The following SERAC1 variants were observed in gnomAD, a reference collection of about 807,000 sequenced individuals.
SERAC1 encodes the protein protein SERAC1.
SERAC1 carries 36 observed loss-of-function variants against 85.7 expected under a neutral mutation model. The observed-to-expected ratio is 0.42, with a 90% CI of 0.32 to 0.55. The LOEUF is 0.55. Ranked by LOEUF, SERAC1 falls within the 20% of genes least tolerant of loss-of-function variation. The pLI is 0.11. For missense variants in SERAC1, 629 were observed against 796.2 expected, an observed-to-expected ratio of 0.79 and a Z score of 2.53; for synonymous variants, 242 against 265.3, an observed-to-expected ratio of 0.91 and a Z score of 0.85.
At chr6:158,137,705 G>A (rs747019709) in intron 8 of SERAC1, among the ~76,000 whole-genome samples, 9 of 151,360 alleles carry the variant, frequency 5.9e-5, no homozygotes, top group Non-Finnish European at 4.4e-5. Context: ...GCGAAACCCC[G>A]TCTCTACCAA....
chr6:158,127,396 C>A (rs1385508632), intron 10 of SERAC1, among the ~76,000 whole-genome samples: 343 of 47,946 alleles, frequency 7.2e-3, no homozygotes, highest in Non-Finnish European at 0.011. Context: ...CCCTGCCCGG[C>A]CAGCCGCCCC....
chr6:158,146,582 T>G (rs1362874054), intron 6 of SERAC1, 200 bp downstream of exon 6: 20 of 433,140 alleles, frequency 4.6e-5, no homozygotes, highest in Non-Finnish European at 1.2e-5. Context: ...CTAATTTTTT[T>G]GTATTTTTAG....
intron 8 of SERAC1, among the ~76,000 whole-genome samples, chr6:158,133,162 G>C (rs1784715856): frequency 6.6e-6 from 1 of 151,924 alleles, no homozygotes; most frequent in African/African-American, 2.4e-5. Flanking sequence ...AGCTGGGCAA[G>C]GTGGTGCACA....
In SERAC1 at chr6:158,113,995, A is replaced by G. The variant is rs560719805; in HGVS notation, c.1685-403T>C. 5.3e-5 allele frequency among the ~76,000 whole-genome samples: 8 copies of G among 152,268 alleles called. No individual in the cohort carries two copies. In the East Asian group the frequency reaches 1.5e-3, roughly 29 times the overall value. On this transcript the variant is annotated intron_variant, in intron 15 of 16. Transcript: ENST00000647468. ...CCTCACCCTCACATATGAAAGAGCA[A>G]CCAAGAGGCACCAGATAGGCCTATG...
intron 1 of SERAC1, among the ~76,000 whole-genome samples, chr6:158,165,299 G>A (rs1293044234): frequency 6.6e-6 from 1 of 152,228 alleles, no homozygotes; most frequent in Non-Finnish European, 1.5e-5. Flanking sequence ...GGGACTACAG[G>A]CGGCTGCCAC....
At chr6:158,133,379 T>G (rs1369109963) in intron 8 of SERAC1, among the ~76,000 whole-genome samples, 5 of 17,860 alleles carry the variant, frequency 2.8e-4, no homozygotes, top group African/African-American at 2.8e-3. Context: ...CTGGTGTTAA[T>G]TTTTTTTTTT....
At chr6:158,116,481 T>C in intron 13 of SERAC1, 199 bp from the exon 14 acceptor site, 1 of 528,834 alleles carries the variant, frequency 1.9e-6, no homozygotes, top group Non-Finnish European at 3.4e-6. Context: ...CAAGGAATCC[T>C]CCCACCTCGG....
At chr6:158,155,446 A>G (rs1785307068) in intron 2 of SERAC1, 95 bp from the exon 3 acceptor site, 1 of 687,004 alleles carries the variant, frequency 1.5e-6, no homozygotes, top group African/African-American at 1.8e-5. Flanking sequence ...ATCATATATT[A>G]TCAGATAAGA....
At chr6:158,147,105 T>G (rs1189256126) in intron 5 of SERAC1, among the ~76,000 whole-genome samples, 192 bp from the exon 6 acceptor site, 5 of 152,174 alleles carry the variant, frequency 3.3e-5, no homozygotes, top group African/African-American at 1.2e-4. Flanking sequence ...TTATGAATAC[T>G]GTGTGTGCTT....
chr6:158,129,506 G>T (rs569951611), intron 9 of SERAC1, among the ~76,000 whole-genome samples: 72 of 152,286 alleles, frequency 4.7e-4, no homozygotes, highest in Admixed American at 3.5e-3. Context: ...GGAAAAATGT[G>T]CATTTTAAAA....
intron 3 of SERAC1, among the ~76,000 whole-genome samples, chr6:158,151,370 C>T (rs2128422647): frequency 6.6e-6 from 1 of 152,292 alleles, no homozygotes; most frequent in East Asian, 1.9e-4. Flanking sequence ...ATGACTGTAC[C>T]CACGAGTAGC....
Position 158,144,375 on chromosome 6 carries a change from A to G in SERAC1, c.533T>C (p.Leu178Pro). Residue 178 changes from leucine to proline, a missense_variant, in exon 7 of 17, where the codon CTT (leucine) becomes CCT (proline). Coordinates refer to ENST00000647468, the MANE Select transcript of SERAC1 (RefSeq NM_032861.4). ...CTCTTCGCTTCGTGCCAAACCAATA[A>G]GAGTTTTCGGATCACAGGCTTGAGC... ...IIAQACDPKTLIGLARSEESD... is the reference protein window; with the variant it reads ...IIAQACDPKTPIGLARSEESD... 1 of 1,613,536 alleles carries G rather than the reference A, an allele frequency of 6.2e-7. No homozygotes were observed. Among genetic ancestry groups the G allele is most frequent in the South Asian group, 1.1e-5 (1 of 90,984 alleles).
At chr6:158,143,337 C>A (rs1784970183) in intron 7 of SERAC1, among the ~76,000 whole-genome samples, 153 bp from the exon 8 acceptor site, 1 of 30,570 alleles carries the variant, frequency 3.3e-5, no homozygotes, top group African/African-American at 1.1e-4. Flanking sequence ...CTCTCTCTCT[C>A]TCTCTCTCTC....
chr6:158,133,263 C>T (rs566225333), intron 8 of SERAC1, among the ~76,000 whole-genome samples: 5 of 150,240 alleles, frequency 3.3e-5, no homozygotes, highest in East Asian at 2.0e-4. Context: ...CATGCCACTG[C>T]ACCCCAGCCT....
intron 1 of SERAC1, 154 bp from the exon 2 acceptor site, chr6:158,158,518 C>A (rs769905971): frequency 9.4e-6 from 5 of 530,390 alleles, no homozygotes; most frequent in South Asian, 2.9e-5. Context: ...AAAAAAAATT[C>A]TCCATTAAAA....
chr6:158,134,286 T>A (rs530369292), intron 8 of SERAC1, among the ~76,000 whole-genome samples: 1 of 152,326 alleles, frequency 6.6e-6, no homozygotes, highest in Non-Finnish European at 1.5e-5. Flanking sequence ...CTGAAAGCAA[T>A]GACAGCAGCA....
At chr6:158,130,861 T>C (rs1030469630) in intron 8 of SERAC1, among the ~76,000 whole-genome samples, 5 of 152,214 alleles carry the variant, frequency 3.3e-5, no homozygotes, top group African/African-American at 9.6e-5. Flanking sequence ...GCTAATAGCC[T>C]ACTTAAAGTC....
At chr6:158,155,697 C>T (rs1439181348) in intron 2 of SERAC1, among the ~76,000 whole-genome samples, 2 of 152,156 alleles carry the variant, frequency 1.3e-5, no homozygotes, top group African/African-American at 4.8e-5. Context: ...TTTTAGTTAA[C>T]AACCCATTAA....
At chr6:158,166,431 G>A (rs1345642965) in intron 1 of SERAC1, among the ~76,000 whole-genome samples, 1 of 139,724 alleles carries the variant, frequency 7.2e-6, no homozygotes, top group East Asian at 2.0e-4. Context: ...GTATCTGATA[G>A]GGAGAGACCT....
Sources: allele counts gnomAD v4.1 joint callset (sites outside exome capture counted in the v4.1 genomes callset), GRCh38; gene constraint gnomAD v4.1.1; transcripts MANE v1.5; gene names NCBI Gene and HGNC (gene_info 2026-07-23, HGNC 2026-07-21).